TJP1: variants seen among roughly 807,000 people sequenced by gnomAD.
TJP1 encodes the protein tight junction protein ZO-1.
TJP1 carries 43 observed loss-of-function variants against 194.2 expected under a neutral mutation model. The ratio of observed to expected loss-of-function variants is 0.22; its 90% CI spans 0.17 to 0.29. The LOEUF (loss-of-function observed/expected upper bound fraction) is 0.29, where lower values mean the gene tolerates loss of function less well. Ranked by LOEUF, TJP1 falls within the 10% of genes least tolerant of loss-of-function variation. The probability of loss-of-function intolerance (pLI) is 1.00; values close to 1 mark genes in which losing one functional copy is unlikely to be tolerated. For synonymous variants in TJP1, 801 were observed against 779.0 expected (o/e 1.03, Z -0.47); for missense variants, 1,971 against 2,185.7 (o/e 0.90, Z 1.96).
intron 2 of TJP1, among the ~76,000 whole-genome samples, chr15:29,942,577 A>G (rs2055117965): frequency 6.6e-6 from 1 of 152,236 alleles, no homozygotes; most frequent in Admixed American, 6.5e-5. Flanking sequence ...CCAAAGTTAT[A>G]AAAATAGCTG....
chr15:29,931,618 A>G (rs971086436), intron 2 of TJP1, among the ~76,000 whole-genome samples: 1 of 152,186 alleles, frequency 6.6e-6, no homozygotes, highest in Non-Finnish European at 1.5e-5. Context: ...AAGATCAAAG[A>G]GCCAAGTACA....
At chr15:29,920,601 C>T (rs1017277064) in intron 2 of TJP1, among the ~76,000 whole-genome samples, 1 of 152,166 alleles carries the variant, frequency 6.6e-6, no homozygotes, top group Non-Finnish European at 1.5e-5. Flanking sequence ...TACCTATCTT[C>T]GGGGTTGCAG....
intron 1 of TJP1, among the ~76,000 whole-genome samples, chr15:29,806,014 C>G (rs962150202): frequency 3.9e-5 from 6 of 152,160 alleles, no homozygotes; most frequent in Admixed American, 2.0e-4. Context: ...CAGATCACAA[C>G]AGGCTTTATA....
intron 1 of TJP1, among the ~76,000 whole-genome samples, chr15:29,816,258 C>T (rs1295204535): frequency 6.6e-6 from 1 of 151,918 alleles, no homozygotes; most frequent in Non-Finnish European, 1.5e-5. Context: ...TGAAGTCCCG[C>T]CCTCAGGTGA....
intron 1 of TJP1, among the ~76,000 whole-genome samples, chr15:29,813,211 T>C (rs918015403): frequency 2.0e-5 from 3 of 152,182 alleles, no homozygotes; most frequent in African/African-American, 7.2e-5. Context: ...TACTTTAGTA[T>C]GACAAACATC....
At position 29,700,721 on chromosome 15, in the gene TJP1, C is replaced by CAAA. The variant is rs11464931; in HGVS notation, c.*871_*873dup. 41 of 142,464 alleles carry CAAA rather than the reference C, an allele frequency of 2.9e-4. No individual in the cohort carries two copies. Among genetic ancestry groups the CAAA allele is most frequent in the Non-Finnish European group, 4.2e-4 (32 of 76,458 alleles). 8.8% of individuals were successfully genotyped at this position (142,464 alleles called of 1,614,324 possible). On this transcript the variant is annotated 3_prime_UTR_variant, in exon 28 of 28. Transcript: ENST00000614355. Reference sequence around the variant, plus strand: ...ACAGAAAACCACCACTGCCCCTTGTCAAAAAAAAAAAAAAAGAAAAGAAAA... The same window carrying CAAA: ...ACAGAAAACCACCACTGCCCCTTGTCAAAAAAAAAAAAAAAAAAGAAAAGAAAA...
At chr15:29,753,843 G>C (rs1255574954) in intron 8 of TJP1, among the ~76,000 whole-genome samples, 1 of 145,656 alleles carries the variant, frequency 6.9e-6, no homozygotes, top group African/African-American at 2.5e-5. Context: ...AAAAAACAAA[G>C]GTAAAGGACC....
chr15:29,739,455 C>G (rs2044248755), intron 10 of TJP1, among the ~76,000 whole-genome samples: 1 of 151,890 alleles, frequency 6.6e-6, no homozygotes, highest in Non-Finnish European at 1.5e-5. Flanking sequence ...TTTCTTTTTT[C>G]TTTTTTGAGA....
At chr15:29,764,087 A>G (rs1360898549) in intron 5 of TJP1, among the ~76,000 whole-genome samples, 1 of 152,194 alleles carries the variant, frequency 6.6e-6, no homozygotes, top group Non-Finnish European at 1.5e-5. Flanking sequence ...TTAGGGAGAA[A>G]GCAGCAAATG....
intron 18 of TJP1, among the ~76,000 whole-genome samples, chr15:29,723,050 C>T (rs1386952373): frequency 2.0e-5 from 3 of 152,120 alleles, no homozygotes; most frequent in Non-Finnish European, 4.4e-5. Flanking sequence ...TTTACAGGCT[C>T]CTAGACAGAA....
At chr15:29,940,311 A>G (rs1203938775) in intron 2 of TJP1, among the ~76,000 whole-genome samples, 1 of 152,214 alleles carries the variant, frequency 6.6e-6, no homozygotes, top group East Asian at 1.9e-4. Flanking sequence ...CCCATGTCAC[A>G]GGTGGCCCTC....
intron 2 of TJP1, among the ~76,000 whole-genome samples, chr15:29,783,249 G>A (rs2047486481): frequency 6.6e-6 from 1 of 152,074 alleles, no homozygotes; most frequent in Admixed American, 6.6e-5. Flanking sequence ...ACTCCAGCCT[G>A]GGCAAAAAGA....
chr15:29,754,253 T>C lies in TJP1; in HGVS notation c.1010+6886A>G, dbSNP rs576638093. 3.0e-3 allele frequency among the ~76,000 whole-genome samples: 453 copies of C among 152,272 alleles called. 3 individuals carry two copies. The highest frequency in any genetic ancestry group is 2.2e-3 in the Non-Finnish European group (152 of 68,016). On this transcript the variant is annotated intron_variant, in intron 8 of 27. Transcript: ENST00000614355. ...GAGTGGAGCTGGAGGCCATTACCCT[T>C]AGCAAACGAATGCAGGAACAGAAAA... is the stretch of plus-strand genomic sequence containing the variant.
At chr15:29,915,198 G>A (rs2054147415) in intron 2 of TJP1, among the ~76,000 whole-genome samples, 1 of 152,182 alleles carries the variant, frequency 6.6e-6, no homozygotes. Context: ...GAAAAACAAA[G>A]ATGTGGAATA....
intron 2 of TJP1, among the ~76,000 whole-genome samples, chr15:29,790,165 T>C (rs1010000115): frequency 3.3e-5 from 5 of 152,240 alleles, no homozygotes; most frequent in Non-Finnish European, 7.3e-5. Context: ...ATTTATGGTC[T>C]GCAAAGCCTA....
intron 2 of TJP1, among the ~76,000 whole-genome samples, chr15:29,955,705 T>C (rs1333977941): frequency 7.5e-6 from 1 of 133,884 alleles, no homozygotes; most frequent in African/African-American, 2.9e-5. Context: ...GAGCCATGAT[T>C]GCACCACTGC....
intron 2 of TJP1, among the ~76,000 whole-genome samples, chr15:29,870,110 G>A (rs1326059682): frequency 6.6e-6 from 1 of 151,630 alleles, no homozygotes; most frequent in Non-Finnish European, 1.5e-5. Flanking sequence ...AAAGTGCTGG[G>A]ATTACAGGCG....
At chr15:29,879,914 G>A (rs767487060) in intron 2 of TJP1, among the ~76,000 whole-genome samples, 17 of 152,196 alleles carry the variant, frequency 1.1e-4, no homozygotes, top group Admixed American at 2.6e-4. Flanking sequence ...GTTTCACCAC[G>A]TCAGCCAGAC....
chr15:29,711,257 A>T (rs529162633), intron 23 of TJP1, among the ~76,000 whole-genome samples: 1 of 152,338 alleles, frequency 6.6e-6, no homozygotes, highest in South Asian at 2.1e-4. Flanking sequence ...AGGCAGGTGA[A>T]ATTTTGGGTA....
Sources: gnomAD v4.1 joint callset for allele counts (sites outside exome capture counted in the v4.1 genomes callset) on GRCh38, gnomAD v4.1.1 for gene constraint, MANE v1.5 for transcripts, NCBI Gene and HGNC (gene_info 2026-07-23, HGNC 2026-07-21) for gene names.